Variants in CYRIA observed in about 807,000 individuals in gnomAD.
The protein encoded by CYRIA is CYFIP related Rac1 interactor A, also known as CYFIP-related Rac1 interactor A.
Under a neutral mutation model 43.9 loss-of-function variants are expected in CYRIA, and 15 were observed. The observed-to-expected ratio is 0.34, with a 90% CI of 0.23 to 0.53. The LOEUF is 0.53. CYRIA is among the 20% of genes least tolerant of loss of function. The probability of loss-of-function intolerance (pLI) is 0.94; values close to 1 mark genes in which losing one functional copy is unlikely to be tolerated. For synonymous variants in CYRIA, 117 were observed against 136.0 expected (o/e 0.86, Z 0.97); for missense variants, 236 against 394.2 (o/e 0.60, Z 3.40).
intron 2 of CYRIA, among the ~76,000 whole-genome samples, chr2:16,609,674 C>A (rs555354343): frequency 1.3e-5 from 2 of 152,272 alleles, no homozygotes; most frequent in East Asian, 3.9e-4. Context: ...TATTTATGTG[C>A]CCTCAACTCC....
chr2:16,566,596 G>A (rs1299801822), intron 3 of CYRIA, among the ~76,000 whole-genome samples: 1 of 152,094 alleles, frequency 6.6e-6, no homozygotes, highest in African/African-American at 2.4e-5. Context: ...TTTATCTTTG[G>A]TCTTGACCAT....
In CYRIA at chr2:16,650,197, C is replaced by T. The variant is rs1463647093; in HGVS notation, c.-167+15583G>A. Among the ~76,000 whole-genome samples the T allele has an allele frequency of 6.6e-6, 1 of 152,184 alleles. No individual in the cohort carries two copies. The highest frequency in any genetic ancestry group is 1.5e-5 in the Non-Finnish European group (1 of 68,036). On this transcript the variant is annotated intron_variant, in intron 1 of 11. Coordinates refer to ENST00000381323, the MANE Select transcript of CYRIA (RefSeq NM_030797.4). The surrounding 1 kb of genome is among the most constrained non-coding windows in gnomAD (Gnocchi z 4.1). The stretch of plus-strand genomic sequence containing the variant: ...ACTGCAGCAAAAGTGACATACTCCA[C>T]ATTTTTCCAGATTAAATAATTTTAT...
Position 16,552,878 on chromosome 2 carries a change from A to G in CYRIA, c.*58T>C. On this transcript the variant is annotated 3_prime_UTR_variant, in exon 12 of 12. Transcript: ENST00000381323. ...TATTAACATCAATCTGTATTAAATT[A>G]TGTAAACATATACATCTTCTGAGGT... The G allele has an allele frequency of 1.9e-6, 2 of 1,058,970 alleles. No individual in the cohort carries two copies. The highest frequency in any genetic ancestry group is 3.0e-6 in the Non-Finnish European group (2 of 674,578). 65.6% of individuals were successfully genotyped at this position (1,058,970 alleles called of 1,614,324 possible).
chr2:16,654,511 A>G (rs1196293123), intron 1 of CYRIA, among the ~76,000 whole-genome samples: 1 of 152,214 alleles, frequency 6.6e-6, no homozygotes, highest in Non-Finnish European at 1.5e-5. Flanking sequence ...AAAAAAATAA[A>G]ATTGTGGCCT....
intron 1 of CYRIA, among the ~76,000 whole-genome samples, chr2:16,639,964 T>C (rs1401365386): frequency 6.6e-6 from 1 of 152,200 alleles, no homozygotes; most frequent in East Asian, 1.9e-4. Flanking sequence ...TAAGAGCTTT[T>C]TTATTTTATT....
chr2:16,579,415 A>C (rs1558411013), intron 3 of CYRIA, among the ~76,000 whole-genome samples: 1 of 126,512 alleles, frequency 7.9e-6, no homozygotes, highest in Non-Finnish European at 1.6e-5. Context: ...AATCACATGC[A>C]CATGCACACA....
At chr2:16,575,646 G>T (rs955756783) in intron 3 of CYRIA, among the ~76,000 whole-genome samples, 10 of 152,000 alleles carry the variant, frequency 6.6e-5, no homozygotes, top group Non-Finnish European at 1.2e-4. Context: ...ACGAGGTCAG[G>T]AGATTGAGAC....
chr2:16,592,709 T>G (rs1453110679), intron 2 of CYRIA, among the ~76,000 whole-genome samples: 1 of 152,190 alleles, frequency 6.6e-6, no homozygotes, highest in Non-Finnish European at 1.5e-5. Flanking sequence ...ATATGACTTC[T>G]ACTGTGAAAC....
chr2:16,646,723 C>T (rs756892420), intron 1 of CYRIA, among the ~76,000 whole-genome samples: 1 of 152,112 alleles, frequency 6.6e-6, no homozygotes, highest in Non-Finnish European at 1.5e-5. Context: ...AAGAAATTAA[C>T]ATTTAAATCA....
intron 3 of CYRIA, among the ~76,000 whole-genome samples, chr2:16,569,453 A>G (rs151018775): frequency 5.4e-4 from 82 of 152,224 alleles, no homozygotes; most frequent in African/African-American, 1.9e-3. Context: ...TTTTCATCCA[A>G]AATTTTGTTG....
chr2:16,576,511 A>G (rs1667352528), intron 3 of CYRIA, among the ~76,000 whole-genome samples: 1 of 152,206 alleles, frequency 6.6e-6, no homozygotes, highest in South Asian at 2.1e-4. Context: ...AAATCTTCCC[A>G]GGATTGTCCT....
intron 1 of CYRIA, among the ~76,000 whole-genome samples, chr2:16,642,840 A>G (rs927487799): frequency 2.0e-5 from 3 of 152,096 alleles, no homozygotes; most frequent in Admixed American, 6.5e-5. Flanking sequence ...CATTTTCTCA[A>G]TGAGAACCAT....
At chr2:16,629,621 C>T (rs75631048) in intron 1 of CYRIA, among the ~76,000 whole-genome samples, 7,932 of 152,260 alleles carry the variant, frequency 0.052, 713 homozygotes, top group African/African-American at 0.18. Flanking sequence ...GCCCTAGAAA[C>T]TGGCAGGGCT....
At chr2:16,619,684 T>C (rs1668932674) in intron 2 of CYRIA, among the ~76,000 whole-genome samples, 1 of 152,192 alleles carries the variant, frequency 6.6e-6, no homozygotes, top group African/African-American at 2.4e-5. Flanking sequence ...AATTAGTCAA[T>C]TTGCTTCTTT....
intron 1 of CYRIA, among the ~76,000 whole-genome samples, chr2:16,638,892 G>A (rs1643187): frequency 0.21 from 32,535 of 151,890 alleles, 5,970 homozygotes; most frequent in East Asian, 0.61. Flanking sequence ...TCTCTAAAAT[G>A]GGAAAAACAT....
intron 3 of CYRIA, among the ~76,000 whole-genome samples, chr2:16,577,422 C>T (rs1481812894): frequency 6.6e-6 from 1 of 152,026 alleles, no homozygotes; most frequent in African/African-American, 2.4e-5. Flanking sequence ...ATTGCGCTCA[C>T]CCTAACAAGA....
At chr2:16,581,740 T>C (rs149714115) in intron 3 of CYRIA, among the ~76,000 whole-genome samples, 2 of 152,256 alleles carry the variant, frequency 1.3e-5, no homozygotes, top group African/African-American at 4.8e-5. Context: ...TGCCCACAAA[T>C]ATTCTACAAG....
At chr2:16,593,575 C>A (rs1668001898) in intron 2 of CYRIA, among the ~76,000 whole-genome samples, 1 of 151,964 alleles carries the variant, frequency 6.6e-6, no homozygotes, top group Non-Finnish European at 1.5e-5. Flanking sequence ...AATTAAAACC[C>A]ATTTTCAATG....
At chr2:16,572,319 C>A (rs970371940) in intron 3 of CYRIA, among the ~76,000 whole-genome samples, 1 of 145,942 alleles carries the variant, frequency 6.9e-6, no homozygotes, top group African/African-American at 2.5e-5. Context: ...AGCAAAAGTG[C>A]CAAAAAATGA....
Sources: gnomAD v4.1 joint callset for allele counts (sites outside exome capture counted in the v4.1 genomes callset) on GRCh38, gnomAD v4.1.1 for gene constraint, Gnocchi (gnomAD v3.1) non-coding constraint, MANE v1.5 for transcripts, NCBI Gene and HGNC (gene_info 2026-07-23, HGNC 2026-07-21) for gene names.